RNF8: variants seen among roughly 807,000 people sequenced by gnomAD.
RNF8 encodes E3 ubiquitin-protein ligase RNF8.
In RNF8, 8 loss-of-function variants were observed where a neutral mutation model predicts 59.3. The ratio of observed to expected loss-of-function variants is 0.13; its 90% CI spans 0.08 to 0.24. RNF8 has a LOEUF of 0.24. RNF8 is among the 10% of genes least tolerant of loss of function. The pLI, the probability that RNF8 is intolerant of heterozygous loss-of-function variation, is 1.00. For synonymous variants in RNF8, 162 were observed against 200.0 expected (o/e 0.81, Z 1.60); for missense variants, 406 against 572.6 (o/e 0.71, Z 2.97).
chr6:37,381,828 A>G (rs1375177837), intron 7 of RNF8, among the ~76,000 whole-genome samples: 3 of 152,210 alleles, frequency 2.0e-5, no homozygotes, highest in Non-Finnish European at 4.4e-5. Context: ...GTCAGCCAGA[A>G]TGGAGGCAGC....
intron 1 of RNF8, among the ~76,000 whole-genome samples, chr6:37,359,843 A>T (rs1030780598): frequency 2.0e-5 from 3 of 152,254 alleles, no homozygotes; most frequent in Non-Finnish European, 4.4e-5. Flanking sequence ...CCATCCAGGA[A>T]TAAAGATAAA....
Position 37,368,594 on chromosome 6 carries a change from T to C in RNF8, c.351T>C (p.Asn117=). The C allele has an allele frequency of 6.2e-7, 1 of 1,614,056 alleles. No individual in the cohort carries two copies. Among genetic ancestry groups the C allele is most frequent in the Non-Finnish European group, 8.5e-7 (1 of 1,180,004 alleles). ...QLGVPLENKE[N]AEYEYEVTEE... ...GAGTGCCTCTGGAAAATAAGGAGAA[T>C]GCGGAGTATGAATATGAAGTTACTG... The change falls in exon 3 of 8, where the codon AAT becomes AAC. Residue 117 remains asparagine (N), a synonymous_variant. Coordinates refer to ENST00000373479, the MANE Select transcript of RNF8 (RefSeq NM_003958.4).
intron 7 of RNF8, among the ~76,000 whole-genome samples, chr6:37,381,677 T>A (rs906044422): frequency 1.3e-5 from 2 of 152,222 alleles, no homozygotes; most frequent in Non-Finnish European, 2.9e-5. Flanking sequence ...TAGATGGTGC[T>A]GTTGTCAAGA....
intron 1 of RNF8, 130 bp downstream of exon 1, chr6:37,354,405 A>T: frequency 4.7e-6 from 3 of 642,896 alleles, no homozygotes; most frequent in Non-Finnish European, 5.0e-6. Flanking sequence ...AGAGGAGCGA[A>T]GTGTCTGTGG....
intron 2 of RNF8, 194 bp from the exon 3 acceptor site, chr6:37,368,290 A>T: frequency 7.5e-7 from 1 of 1,333,944 alleles, no homozygotes; most frequent in Non-Finnish European, 1.0e-6. Context: ...TGAATGTGAA[A>T]TATAGGTAAA....
intron 6 of RNF8, among the ~76,000 whole-genome samples, chr6:37,378,596 G>A (rs553050545): frequency 1.3e-4 from 14 of 109,740 alleles, no homozygotes; most frequent in Admixed American, 1.2e-4. Flanking sequence ...GCGAGACTCC[G>A]TCTCAAAAAA....
At chr6:37,377,773 G>A (rs937248226) in intron 6 of RNF8, among the ~76,000 whole-genome samples, 3 of 152,184 alleles carry the variant, frequency 2.0e-5, no homozygotes, top group Non-Finnish European at 4.4e-5. Flanking sequence ...AAACGAGGGG[G>A]TAAACGTCAT....
intron 6 of RNF8, among the ~76,000 whole-genome samples, chr6:37,379,521 A>T (rs1056958241): frequency 1.3e-5 from 2 of 152,222 alleles, no homozygotes; most frequent in Non-Finnish European, 2.9e-5. Flanking sequence ...CAAGAGTAAC[A>T]AAGAAAAAGG....
chr6:37,388,476 A>C (rs1408383101), intron 7 of RNF8, among the ~76,000 whole-genome samples: 1 of 152,094 alleles, frequency 6.6e-6, no homozygotes, highest in Non-Finnish European at 1.5e-5. Context: ...GGGGATCATG[A>C]GCCATGGAAG....
chr6:37,389,580 T>C (rs1284966653), intron 7 of RNF8, among the ~76,000 whole-genome samples: 1 of 151,896 alleles, frequency 6.6e-6, no homozygotes, highest in South Asian at 2.1e-4. Flanking sequence ...AAAGCCAAGA[T>C]AGCAGGTAGG....
chr6:37,358,759 G>A (rs1482964270), intron 1 of RNF8, among the ~76,000 whole-genome samples: 2 of 152,138 alleles, frequency 1.3e-5, no homozygotes, highest in Admixed American at 6.6e-5. Context: ...TCCCAGTTAA[G>A]GTTGTGATAT....
intron 2 of RNF8, among the ~76,000 whole-genome samples, chr6:37,362,821 A>T (rs1769379496): frequency 6.6e-6 from 1 of 152,260 alleles, no homozygotes; most frequent in Admixed American, 6.5e-5. Context: ...TGAGAGCTTA[A>T]GTATAGATAC....
intron 1 of RNF8, among the ~76,000 whole-genome samples, chr6:37,359,604 A>G (rs1769240989): frequency 6.6e-6 from 1 of 152,218 alleles, no homozygotes; most frequent in Non-Finnish European, 1.5e-5. Context: ...AAGGTTTTCC[A>G]TCCAGTCAAG....
At chr6:37,389,869 C>T (rs1770656772) in intron 7 of RNF8, among the ~76,000 whole-genome samples, 1 of 152,178 alleles carries the variant, frequency 6.6e-6, no homozygotes, top group Non-Finnish European at 1.5e-5. Context: ...CAAGGCCCAC[C>T]ACCTCAAAGG....
chr6:37,355,814 A>G (rs1440489571), intron 1 of RNF8, among the ~76,000 whole-genome samples: 1 of 152,234 alleles, frequency 6.6e-6, no homozygotes. Flanking sequence ...CCTTTCCAAC[A>G]GCATATGTTT....
At chr6:37,380,652 C>T (rs1040680987) in intron 6 of RNF8, among the ~76,000 whole-genome samples, 1 of 142,100 alleles carries the variant, frequency 7.0e-6, no homozygotes, top group East Asian at 2.1e-4. Context: ...GCCTGGGGGA[C>T]AGAGTGAGAC....
intron 2 of RNF8, among the ~76,000 whole-genome samples, chr6:37,364,487 C>T (rs992178922): frequency 1.1e-4 from 16 of 152,140 alleles, no homozygotes; most frequent in African/African-American, 3.9e-4. Flanking sequence ...GCATGTTCCG[C>T]TTTAGTAAAG....
rs938502433 is a variant in RNF8, at chr6:37,371,789, T to C, written c.1038+215T>C. Reference sequence around the variant, plus strand: ...CAGCATGAAAACTTACATCTTTGTCTGAGCAGAAGTTGCTCTGGTGAAGAT... The same window carrying C: ...CAGCATGAAAACTTACATCTTTGTCCGAGCAGAAGTTGCTCTGGTGAAGAT... On this transcript the variant is annotated intron_variant, in intron 4 of 7. Coordinates refer to ENST00000373479, the MANE Select transcript of RNF8 (RefSeq NM_003958.4). 1.4e-4 allele frequency among the ~76,000 whole-genome samples: 21 copies of C among 152,204 alleles called. 1 individual carries two copies. Among genetic ancestry groups the C allele is most frequent in the African/African-American group, 4.8e-4 (20 of 41,450 alleles).
rs35915593 is a variant in RNF8, at chr6:37,364,178, C to CAAAAAAA, written c.240+3619_240+3625dup. Among the ~76,000 whole-genome samples the CAAAAAAA allele has an allele frequency of 6.9e-4, 57 of 82,248 alleles. 2 individuals carry two copies. Among genetic ancestry groups the CAAAAAAA allele is most frequent in the East Asian group, 3.8e-3 (12 of 3,184 alleles). The allele number at this position is 82,248 out of a possible 152,430, so 54.0% of individuals were successfully genotyped here. A position where few individuals can be genotyped will look rare whatever the true frequency, so the allele number is the denominator to read the frequency against. ...TGGGGGACAGAGCGAGACTCTGTCT[C>CAAAAAAA]AAAAAAAAAAAAAAAAAAAAATTGA... On this transcript the variant is annotated intron_variant, in intron 2 of 7. Transcript: ENST00000373479.
Sources: gnomAD v4.1 joint callset for allele counts (sites outside exome capture counted in the v4.1 genomes callset) on GRCh38, gnomAD v4.1.1 for gene constraint, MANE v1.5 for transcripts, NCBI Gene and HGNC (gene_info 2026-07-23, HGNC 2026-07-21) for gene names.